KRIT1: variants seen among roughly 807,000 people sequenced by gnomAD.
KRIT1 encodes krev interaction trapped protein 1.
In KRIT1, 45 loss-of-function variants were observed where a neutral mutation model predicts 95.8. The observed-to-expected ratio is 0.47, with a 90% CI of 0.37 to 0.60. KRIT1 has a LOEUF of 0.60. Ranked by LOEUF, KRIT1 falls within the 20% of genes least tolerant of loss-of-function variation. The pLI is 0.00. For synonymous variants in KRIT1, 282 were observed against 278.8 expected, an observed-to-expected ratio of 1.01 and a Z score of -0.11; for missense variants, 788 against 877.5, an observed-to-expected ratio of 0.90 and a Z score of 1.29.
rs753577490 is a variant in KRIT1, at chr7:92,226,657, T to C, written c.1015A>G (p.Ile339Val). ...TTGCACTTTCCTTTCTCTAACAATATGCGAGTGGCCTCAACTTTTCCATAC... is the reference window on the plus strand; with the variant it reads ...TTGCACTTTCCTTTCTCTAACAATACGCGAGTGGCCTCAACTTTTCCATAC... ...CWYGKVEATR[I>V]LLEKGKCNPN... The change falls in exon 11 of 19, where the codon ATA becomes GTA. Residue 339 changes from isoleucine to valine, a missense_variant. Transcript: ENST00000394505. The C allele has an allele frequency of 1.9e-6, 3 of 1,613,544 alleles. No individual in the cohort carries two copies. Among genetic ancestry groups the C allele is most frequent in the South Asian group, 2.2e-5 (2 of 91,048 alleles).
intron 14 of KRIT1, among the ~76,000 whole-genome samples, chr7:92,221,388 G>A (rs1238447479): frequency 1.3e-5 from 2 of 151,984 alleles, no homozygotes; most frequent in African/African-American, 2.4e-5. Flanking sequence ...GTACTGAGCC[G>A]AGATTGTGCC....
At chr7:92,233,161 T>C (rs1423048113) in intron 10 of KRIT1, among the ~76,000 whole-genome samples, 2 of 149,364 alleles carry the variant, frequency 1.3e-5, no homozygotes, top group African/African-American at 4.9e-5. Flanking sequence ...GATCTTTTTA[T>C]ACACACACAC....
At chr7:92,219,553 T>G (rs568851804) in intron 14 of KRIT1, among the ~76,000 whole-genome samples, 304 of 152,350 alleles carry the variant, frequency 2.0e-3, no homozygotes, top group African/African-American at 7.1e-3. Flanking sequence ...AGCTTTGTGG[T>G]GTGCTTTGAA....
intron 10 of KRIT1, among the ~76,000 whole-genome samples, 169 bp downstream of exon 10, chr7:92,234,280 T>C (rs1287849951): frequency 6.6e-6 from 1 of 152,168 alleles, no homozygotes; most frequent in Admixed American, 6.5e-5. Flanking sequence ...GACCTTACAA[T>C]TCTGAACATT....
In KRIT1 at chr7:92,222,870, G is replaced by C. The variant is rs267607203; in HGVS notation, c.1363C>G (p.Gln455Glu). ...ATAGTGAAATATTGCTGAGTTTCTT[G>C]AGAGAGACGCATTCCTTCCATTATC... ...QQIMEGMRLS[Q>E]ETQQYFTIWI... Residue 455 changes from glutamine (Q) to glutamate (E), a missense_variant, in exon 13 of 19, where the codon CAA becomes GAA. Coordinates refer to ENST00000394505, the MANE Select transcript of KRIT1 (RefSeq NM_194454.3). 1 of 1,609,150 alleles carries C rather than the reference G, an allele frequency of 6.2e-7. No homozygotes were observed. Among genetic ancestry groups the C allele is most frequent in the African/African-American group, 1.3e-5 (1 of 74,818 alleles).
chr7:92,234,066 G>A (rs376120841), intron 10 of KRIT1, among the ~76,000 whole-genome samples: 18 of 152,270 alleles, frequency 1.2e-4, no homozygotes, highest in Admixed American at 9.1e-4. Flanking sequence ...AGGTCAAATC[G>A]TAAGTAGTTA....
At chr7:92,230,302 C>T (rs971352844) in intron 10 of KRIT1, among the ~76,000 whole-genome samples, 2 of 152,090 alleles carry the variant, frequency 1.3e-5, no homozygotes. Context: ...AGTAGTACTA[C>T]TACTAAGACA....
rs369080774 is a variant in KRIT1, at chr7:92,234,879, T to C, written c.774A>G (p.Pro258=). ...VINPYFGLGA[P]DYSKIQIPKQ... is the part of the protein sequence containing the mutation. ...TAGGTATTTGGATTTTTGAGTAGTC[T>C]GGAGCTCCTAGACCAAAGTATGGAT... The change falls in exon 9 of 19, where the codon CCA becomes CCG. Residue 258 remains proline, a synonymous_variant. Transcript: ENST00000394505. 1.2e-6 allele frequency: 2 copies of C among 1,606,962 alleles called. No individual in the cohort carries two copies. Among genetic ancestry groups the C allele is most frequent in the Non-Finnish European group, 1.7e-6 (2 of 1,173,518 alleles).
In KRIT1 at chr7:92,222,976, ATAC is replaced by A. The variant is rs1554514380; in HGVS notation, c.1255-1_1256del. On this transcript the variant is annotated splice_acceptor_variant and coding_sequence_variant, in exon 13 of 19. Coordinates refer to ENST00000394505, the MANE Select transcript of KRIT1 (RefSeq NM_194454.3). LOFTEE classifies it high-confidence loss of function. ...CCATTCTGTATATTCGAACTTTTTC[ATAC>A]TACAAGAAACGATAACTTACGTAAC... 1 of 1,601,902 alleles carries A rather than the reference ATAC, an allele frequency of 6.2e-7. No individual in the cohort carries two copies. Among genetic ancestry groups the A allele is most frequent in the Non-Finnish European group, 8.5e-7 (1 of 1,169,758 alleles).
chr7:92,199,051 T>G (rs931594868), downstream of KRIT1: 8 of 152,222 alleles, frequency 5.3e-5, no homozygotes, highest in African/African-American at 1.9e-4. Flanking sequence ...ACTGAAGTTC[T>G]CTGTAGACCA....
intron 17 of KRIT1, among the ~76,000 whole-genome samples, chr7:92,203,563 C>T (rs1283885045): frequency 1.3e-5 from 2 of 152,170 alleles, no homozygotes; most frequent in Non-Finnish European, 2.9e-5. Context: ...ATCCTTCTGT[C>T]TGTTACTGCT....
At position 92,200,291 on chromosome 7, in the gene KRIT1, A is replaced by T. The variant is rs1001738072; in HGVS notation, c.*445T>A. On this transcript the variant is annotated 3_prime_UTR_variant, in exon 19 of 19. Transcript: ENST00000394505. Reference sequence around the variant, plus strand: ...GGTATATTACACACCAAACATAAGTACAGATTCTGTACAATGTAATAGTAT... The same window carrying T: ...GGTATATTACACACCAAACATAAGTTCAGATTCTGTACAATGTAATAGTAT... 5.5e-6 allele frequency: 1 copy of T among 182,890 alleles called. No individual in the cohort carries two copies. The highest frequency in any genetic ancestry group is 2.4e-5 in the African/African-American group (1 of 42,076). 11.3% of individuals were successfully genotyped at this position (182,890 alleles called of 1,614,324 possible). A position where few individuals can be genotyped will look rare whatever the true frequency, so the allele number is the denominator to read the frequency against.
chr7:92,222,509 CA>C (rs1795342819), intron 13 of KRIT1, among the ~76,000 whole-genome samples: 1 of 152,032 alleles, frequency 6.6e-6, no homozygotes, highest in South Asian at 2.1e-4. Flanking sequence ...TGTATTATTT[CA>C]AAATGAACAC....
intron 10 of KRIT1, among the ~76,000 whole-genome samples, chr7:92,230,855 G>C (rs1797132076): frequency 6.6e-6 from 1 of 152,106 alleles, no homozygotes; most frequent in African/African-American, 2.4e-5. Context: ...TAGGGATTAT[G>C]AAAGTAGAAA....
chr7:92,226,695 A>G lies in KRIT1; in HGVS notation c.990-13T>C, dbSNP rs1563279452. On this transcript the variant is annotated splice_polypyrimidine_tract_variant and intron_variant, in intron 10 of 18. Transcript: ENST00000394505. ...AACTTTTCCATACCTGTATAAAAAA[A>G]CAAACAAACAAAAAACAACAACAAA... 3 of 1,610,846 alleles carry G rather than the reference A, an allele frequency of 1.9e-6. No homozygotes were observed. The highest frequency in any genetic ancestry group is 2.5e-6 in the Non-Finnish European group (3 of 1,178,380).
At chr7:92,222,204 C>T (rs1419674182) in intron 13 of KRIT1, 151 bp from the exon 14 acceptor site, 1 of 603,250 alleles carries the variant, frequency 1.7e-6, no homozygotes, top group East Asian at 2.9e-5. Context: ...AATATGACTA[C>T]CCAATTTGTG....
At position 92,237,678 on chromosome 7, in the gene KRIT1, G is replaced by T; in HGVS notation, c.344C>A (p.Ser115Ter). 6.3e-7 allele frequency: 1 copy of T among 1,593,704 alleles called. No individual in the cohort carries two copies. The highest frequency in any genetic ancestry group is 8.6e-7 in the Non-Finnish European group (1 of 1,161,842). Residue 115 changes from serine to a stop codon, truncating the protein, a stop_gained, in exon 6 of 19, where the codon TCA becomes TAA. Transcript: ENST00000394505. LOFTEE classifies it high-confidence loss of function. The part of the protein sequence containing the change: ...GREASLFIVP[S>*]VVKDNTKYTY... Reference sequence around the variant, plus strand: ...CATTTAGACTTTACCTTTGACAACTGATGGAACAATAAATAATGATGCTTC... The same window carrying T: ...CATTTAGACTTTACCTTTGACAACTTATGGAACAATAAATAATGATGCTTC...
Position 92,225,752 on chromosome 7 carries a change from C to A in KRIT1, c.1222G>T (p.Ala408Ser), listed in dbSNP as rs775750360. The A allele has an allele frequency of 6.2e-7, 1 of 1,606,508 alleles. No individual in the cohort carries two copies. The highest frequency in any genetic ancestry group is 1.1e-5 in the South Asian group (1 of 90,916). Residue 408 changes from alanine to serine, a missense_variant, in exon 12 of 19, where the codon GCA becomes TCA. Physicochemically the swap from Ala to Ser is moderately conservative, Grantham distance 99. This residue lies in a region of KRIT1 where 493 missense variants were observed against 582.3 expected (regional missense o/e 0.85). Coordinates refer to ENST00000394505, the MANE Select transcript of KRIT1 (RefSeq NM_194454.3). ...TTAATTGCTTCCTTCAACAATTTTG[C>A]AGCTTCTTCCCAGTTGTTTTGTTTG... Reference protein sequence around the residue: ...ENKQNNWEEAAKLLKEAINKP... With the variant: ...ENKQNNWEEASKLLKEAINKP...
intron 10 of KRIT1, among the ~76,000 whole-genome samples, chr7:92,229,720 T>C (rs927470592): frequency 3.9e-5 from 6 of 152,214 alleles, no homozygotes; most frequent in African/African-American, 1.4e-4. Flanking sequence ...CTATTTTTGC[T>C]TCTTTTTTGT....
Sources: allele counts gnomAD v4.1 joint callset (sites outside exome capture counted in the v4.1 genomes callset), GRCh38; gene constraint gnomAD v4.1.1; regional missense constraint gnomAD v4.1.1; transcripts MANE v1.5; gene names NCBI Gene and HGNC (gene_info 2026-07-23, HGNC 2026-07-21).